PTPRF: variants seen among roughly 807,000 people sequenced by gnomAD.
PTPRF encodes receptor-type tyrosine-protein phosphatase F.
In PTPRF, 59 loss-of-function variants were observed where a neutral mutation model predicts 201.8. The observed-to-expected ratio is 0.29, with a 90% CI of 0.24 to 0.36. PTPRF has a LOEUF of 0.36. Among genes scored for constraint, PTPRF ranks in the 10% least tolerant of loss-of-function variants. PTPRF has a pLI of 1.00. For synonymous variants in PTPRF, 1,088 were observed against 1,089.7 expected (o/e 1.00, Z 0.03); for missense variants, 2,132 against 2,690.5 (o/e 0.79, Z 4.59).
rs970879746 is a variant in PTPRF at position 43,537,155 on chromosome 1, G to A, written c.-125-1043G>A. ...GAGTAGGCCAAACAGCTGAGCTTCC[G>A]TGAAGTGGTGATGAGGTGGTATGGG... On this transcript the variant is annotated intron_variant, in intron 1 of 33. Coordinates refer to ENST00000359947, the MANE Select transcript of PTPRF (RefSeq NM_002840.5). This position sits in a 1 kb window ranked among gnomAD's most constrained non-coding sequence, Gnocchi z 4.8. 4.6e-5 allele frequency among the ~76,000 whole-genome samples: 7 copies of A among 152,126 alleles called. No homozygotes were observed. Among genetic ancestry groups the A allele is most frequent in the South Asian group, 2.1e-4 (1 of 4,828 alleles).
At chr1:43,589,568 C>T (rs1650077628) in intron 8 of PTPRF, among the ~76,000 whole-genome samples, 2 of 151,888 alleles carry the variant, frequency 1.3e-5, no homozygotes. Context: ...TATATGTAAC[C>T]GATTCTGGCC....
At chr1:43,562,526 C>G (rs1645878677) in intron 5 of PTPRF, among the ~76,000 whole-genome samples, 1 of 152,072 alleles carries the variant, frequency 6.6e-6, no homozygotes, top group Non-Finnish European at 1.5e-5. Flanking sequence ...ATGTCTCAGC[C>G]TCCCGAATAG....
chr1:43,615,177 G>A (rs1657438558), intron 23 of PTPRF, among the ~76,000 whole-genome samples: 1 of 152,210 alleles, frequency 6.6e-6, no homozygotes, highest in Non-Finnish European at 1.5e-5. Context: ...GCTGGGCTTG[G>A]CAGGCAAATG....
intron 25 of PTPRF, 63 bp downstream of exon 25, chr1:43,617,974 G>T (rs760686476): frequency 6.6e-7 from 1 of 1,506,920 alleles, no homozygotes; most frequent in Non-Finnish European, 9.0e-7. Context: ...GTGATACAGG[G>T]CACCTTCTTC....
rs371752134 is a variant in PTPRF, at chr1:43,613,657, C to T, written c.4013C>T (p.Ala1338Val). 4.8e-5 allele frequency: 78 copies of T among 1,614,040 alleles called. No homozygotes were observed. The highest frequency in any genetic ancestry group is 6.4e-5 in the Non-Finnish European group (75 of 1,179,984). ...DHPPIPITDLADNIERLKAND... is the reference protein window; with the variant it reads ...DHPPIPITDLVDNIERLKAND... ...CCACCCATCCCCATCACCGACCTGG[C>T]GGACAACATCGAGCGCCTCAAAGCC... Residue 1338 changes from alanine to valine, a missense_variant, in exon 23 of 34, where the codon GCG (alanine) becomes GTG (valine). By Grantham distance (64) the Ala-to-Val change is moderately conservative. Around this residue, in one of 6 missense-constraint regions of PTPRF, gnomAD observed 818 missense variants for 915.3 expected, o/e 0.89. Coordinates refer to ENST00000359947, the MANE Select transcript of PTPRF (RefSeq NM_002840.5).
intron 2 of PTPRF, among the ~76,000 whole-genome samples, chr1:43,538,824 T>C (rs1644188332): frequency 6.6e-6 from 1 of 152,180 alleles, no homozygotes; most frequent in Non-Finnish European, 1.5e-5. Context: ...TGTTCTCCTC[T>C]CTGTCTGTTA....
Position 43,606,424 on chromosome 1 carries a change from T to G in PTPRF, c.3668T>G (p.Phe1223Cys). 2.5e-6 allele frequency: 4 copies of G among 1,614,148 alleles called. No homozygotes were observed. Among genetic ancestry groups the G allele is most frequent in the Non-Finnish European group, 3.4e-6 (4 of 1,180,014 alleles). The change falls in exon 20 of 34, where the codon TTT becomes TGT. Residue 1223 changes from phenylalanine to cysteine, a missense_variant. This residue lies in a region of PTPRF where 818 missense variants were observed against 915.3 expected (regional missense o/e 0.89). Transcript: ENST00000359947. The stretch of plus-strand genomic sequence containing the variant: ...TCTCCGGACTTGAGCTACCAGTGCT[T>G]TGTGCTTGCCTCCTTGAAGGAACCC... Reference protein sequence around the residue: ...PLSPDLSYQCFVLASLKEPMD... With the variant: ...PLSPDLSYQCCVLASLKEPMD...
At chr1:43,532,191 A>G (rs1466474723) in intron 1 of PTPRF, among the ~76,000 whole-genome samples, 1 of 150,478 alleles carries the variant, frequency 6.6e-6, no homozygotes, top group Non-Finnish European at 1.5e-5. Context: ...GCGCCCCCCC[A>G]TTTCCCTGGA....
Position 43,603,394 on chromosome 1 carries a change from C to T in PTPRF, c.2341-22C>T. 2 of 1,604,188 alleles carry T rather than the reference C, an allele frequency of 1.2e-6. No individual in the cohort carries two copies. The highest frequency in any genetic ancestry group is 2.2e-5 in the East Asian group (1 of 44,816). ...TCTCCCTGCATTCTTGTGATGGGAA[C>T]GAACCCCTCCTCCTCCCTCAGGAAA... is the stretch of plus-strand genomic sequence containing the variant. On this transcript the variant is annotated intron_variant, in intron 14 of 33. Transcript: ENST00000359947. The surrounding 1 kb of genome is among the most constrained non-coding windows in gnomAD (Gnocchi z 5.8).
Position 43,620,034 on chromosome 1 carries a change from C to T in PTPRF, c.5112-61C>T, listed in dbSNP as rs1245379456. 12 of 1,607,566 alleles carry T rather than the reference C, an allele frequency of 7.5e-6. No individual in the cohort carries two copies. The East Asian group carries it at 2.5e-4, about 33-fold the overall frequency. ...GCAGGGCCCCAAGGGGCTAGGCAGC[C>T]TAAGGGGAGACTCTAGGGGCAGCAG... On this transcript the variant is annotated intron_variant, in intron 29 of 33. Coordinates refer to ENST00000359947, the MANE Select transcript of PTPRF (RefSeq NM_002840.5).
rs1023221345 is a variant in PTPRF at position 43,603,562 on chromosome 1, G to A, written c.2458+29G>A. ...AGTGAGGGGTCAGGACGGACCTGAG[G>A]GTGGGGCAGCAGGAGGGCAGCGCCA... On this transcript the variant is annotated intron_variant, in intron 15 of 33. Transcript: ENST00000359947. The surrounding 1 kb of genome is among the most constrained non-coding windows in gnomAD (Gnocchi z 5.8). 3 of 1,613,114 alleles carry A rather than the reference G, an allele frequency of 1.9e-6. No homozygotes were observed. The highest frequency in any genetic ancestry group is 3.3e-4 in the Middle Eastern group (2 of 6,058).
In PTPRF at chr1:43,536,522, C is replaced by G. The variant is rs529922462; in HGVS notation, c.-125-1676C>G. Among the ~76,000 whole-genome samples the G allele has an allele frequency of 2.6e-5, 4 of 152,320 alleles. No individual in the cohort carries two copies. In the East Asian group the frequency reaches 5.8e-4, roughly 22 times the overall value. On this transcript the variant is annotated intron_variant, in intron 1 of 33. Coordinates refer to ENST00000359947, the MANE Select transcript of PTPRF (RefSeq NM_002840.5). ...GGCTGGGTGTGGCAGCAGCGCCTGG[C>G]CAGCTTGGGGGGCCTTTCCCATTAC...
intron 7 of PTPRF, among the ~76,000 whole-genome samples, chr1:43,585,387 C>T (rs1648874080): frequency 6.6e-6 from 1 of 152,126 alleles, no homozygotes; most frequent in African/African-American, 2.4e-5. Context: ...ATACCCTGAC[C>T]TCCCTCACAT....
chr1:43,575,847 C>T (rs1646889785), intron 6 of PTPRF: 2 of 1,311,722 alleles, frequency 1.5e-6, no homozygotes, highest in Non-Finnish European at 2.0e-6. Flanking sequence ...CTTTGTGTGG[C>T]TTTCCTTCCT....
chr1:43,591,258 G>T lies in PTPRF; in HGVS notation c.1236G>T (p.Ala412=), dbSNP rs770494881. 6.4e-7 allele frequency: 1 copy of T among 1,574,478 alleles called. No individual in the cohort carries two copies. The highest frequency in any genetic ancestry group is 1.1e-5 in the South Asian group (1 of 88,228). ...EAVRARTGEQ[A]PSSPPRRVQA... ...TGCGGGCACGCACGGGAGAACAGGC[G>T]CCCTCCAGCCCACCGCGCCGCGTGC... is the stretch of plus-strand genomic sequence containing the variant. The change falls in exon 9 of 34, where the codon GCG becomes GCT. Residue 412 remains alanine (A), a synonymous_variant. Coordinates refer to ENST00000359947, the MANE Select transcript of PTPRF (RefSeq NM_002840.5).
chr1:43,585,066 A>T (rs1648775289), intron 7 of PTPRF, among the ~76,000 whole-genome samples: 1 of 152,204 alleles, frequency 6.6e-6, no homozygotes. Context: ...ATGCACAGGG[A>T]ACGGTAATAT....
At chr1:43,558,896 G>A (rs1178418514) in intron 5 of PTPRF, among the ~76,000 whole-genome samples, 3 of 152,194 alleles carry the variant, frequency 2.0e-5, no homozygotes, top group Admixed American at 6.5e-5. Context: ...AGGACTGGCC[G>A]GGAAAGCCCA....
intron 6 of PTPRF, among the ~76,000 whole-genome samples, chr1:43,571,630 C>T (rs1646576336): frequency 6.6e-6 from 1 of 152,228 alleles, no homozygotes; most frequent in Non-Finnish European, 1.5e-5. Flanking sequence ...GCCCCCTTCT[C>T]CCCTCCTGCT....
At chr1:43,621,281 G>GCCA (rs1659156683) in intron 33 of PTPRF, 49 bp downstream of exon 33, 1 of 1,599,392 alleles carries the variant, frequency 6.3e-7, no homozygotes, top group African/African-American at 1.3e-5. Context: ...CAGCGCTGCT[G>GCCA]GGAACCCTAG....
Sources: allele counts gnomAD v4.1 joint callset (sites outside exome capture counted in the v4.1 genomes callset), GRCh38; gene constraint gnomAD v4.1.1; regional missense constraint gnomAD v4.1.1; non-coding constraint Gnocchi (gnomAD v3.1); transcripts MANE v1.5; gene names NCBI Gene and HGNC (gene_info 2026-07-23, HGNC 2026-07-21).